The following SLCO1C1 variants were observed in gnomAD, a reference collection of about 807,000 sequenced individuals.
The protein encoded by SLCO1C1 is OAT-RP-5.
Under a neutral mutation model 76.4 loss-of-function variants are expected in SLCO1C1, and 70 were observed. The ratio of observed to expected loss-of-function variants is 0.92; its 90% CI spans 0.76 to 1.12. The LOEUF (loss-of-function observed/expected upper bound fraction) is 1.12, where lower values mean the gene tolerates loss of function less well. SLCO1C1 is among the 50% of genes most tolerant of loss of function. SLCO1C1 has a pLI of 0.00. For missense variants in SLCO1C1, 912 were observed against 823.8 expected (o/e 1.11, Z -1.31); for synonymous variants, 306 against 286.1 (o/e 1.07, Z -0.70).
In SLCO1C1 at chr12:20,709,812, C is replaced by T. The variant is rs1366445377; in HGVS notation, c.405-1574C>T. ...AGGAGAATGGCGTGAACCCGGGAAGCGGAGCTTGCAGTGAGCCGAGATTGC... is the reference window on the plus strand; with the variant it reads ...AGGAGAATGGCGTGAACCCGGGAAGTGGAGCTTGCAGTGAGCCGAGATTGC... On this transcript the variant is annotated intron_variant, in intron 4 of 14. Transcript: ENST00000266509. Among the ~76,000 whole-genome samples, 7 of 47,628 alleles carry T rather than the reference C, an allele frequency of 1.5e-4. 1 individual carries two copies. Among genetic ancestry groups the T allele is most frequent in the Non-Finnish European group, 1.7e-4 (4 of 23,118 alleles). 31.2% of individuals were successfully genotyped at this position (47,628 alleles called of 152,430 possible). A position where few individuals can be genotyped will look rare whatever the true frequency, so the allele number is the denominator to read the frequency against.
chr12:20,697,431 C>T (rs1946320105), intron 1 of SLCO1C1: 1 of 151,888 alleles, frequency 6.6e-6, no homozygotes. Context: ...GTAAAGATAC[C>T]TATTTAACAT....
At chr12:20,749,298 AC>A (rs1949184322) in intron 13 of SLCO1C1, among the ~76,000 whole-genome samples, 1 of 152,198 alleles carries the variant, frequency 6.6e-6, no homozygotes, top group Admixed American at 6.5e-5. Flanking sequence ...GCCGGAAACA[AC>A]CAGACAGTTG....
chr12:20,751,041 C>T, intron 14 of SLCO1C1: 1 of 712,764 alleles, frequency 1.4e-6, no homozygotes, highest in Non-Finnish European at 2.2e-6. Flanking sequence ...ACAAAAGTGT[C>T]CAGAATACAG....
intron 10 of SLCO1C1, 55 bp downstream of exon 10, chr12:20,733,159 T>G (rs1948375070): frequency 6.9e-7 from 1 of 1,439,898 alleles, no homozygotes; most frequent in Admixed American, 2.6e-5. Flanking sequence ...TTAAATCAAT[T>G]ATTGGTGGAG....
chr12:20,700,519 T>A (rs1946471173), intron 2 of SLCO1C1, among the ~76,000 whole-genome samples: 3 of 151,982 alleles, frequency 2.0e-5, no homozygotes, highest in Admixed American at 1.3e-4. Context: ...TACATACGTA[T>A]ACATGTGCCA....
At chr12:20,720,196 A>C (rs1947587440) in intron 7 of SLCO1C1, among the ~76,000 whole-genome samples, 1 of 150,466 alleles carries the variant, frequency 6.6e-6, no homozygotes, top group South Asian at 2.1e-4. Flanking sequence ...GCTGCTCAGG[A>C]AAAAAAATAT....
At chr12:20,713,714 G>A (rs1947242605) in intron 5 of SLCO1C1, among the ~76,000 whole-genome samples, 1 of 152,178 alleles carries the variant, frequency 6.6e-6, no homozygotes, top group Admixed American at 6.5e-5. Flanking sequence ...TGTGATGATC[G>A]GAATGTCTTA....
intron 13 of SLCO1C1, among the ~76,000 whole-genome samples, chr12:20,747,187 G>T (rs1482420873): frequency 6.6e-6 from 1 of 152,184 alleles, no homozygotes; most frequent in Non-Finnish European, 1.5e-5. Flanking sequence ...CACTTTGGGA[G>T]GCTGAGGCGG....
chr12:20,751,096 T>C (rs1949283486), intron 14 of SLCO1C1, among the ~76,000 whole-genome samples: 2 of 152,142 alleles, frequency 1.3e-5, no homozygotes, highest in Admixed American at 1.3e-4. Flanking sequence ...AGTATTTCCC[T>C]GAAATTCAGA....
Position 20,711,471 on chromosome 12 carries a change from G to T in SLCO1C1, c.490G>T (p.Val164Phe), listed in dbSNP as rs764579831. 1 of 1,613,750 alleles carries T rather than the reference G, an allele frequency of 6.2e-7. No homozygotes were observed. The highest frequency in any genetic ancestry group is 1.1e-5 in the South Asian group (1 of 91,044). The change falls in exon 5 of 15, where the codon GTT becomes TTT. Residue 164 changes from valine to phenylalanine, a missense_variant. By Grantham distance (50) the Val-to-Phe change is conservative. Transcript: ENST00000266509. ...CCTAGAGTCAAGCAGTCAATTACCA[G>T]TTTCAGTTATGGAAAAATCAAAATC... ...CLLESSSQLP[V>F]SVMEKSKSKI...
chr12:20,698,560 A>G (rs940889891), intron 1 of SLCO1C1, among the ~76,000 whole-genome samples: 2 of 152,096 alleles, frequency 1.3e-5, no homozygotes, highest in Non-Finnish European at 2.9e-5. Context: ...CAAAACAAGC[A>G]TTGCATAAAG....
At chr12:20,698,652 CATT>C (rs1218729801) in intron 1 of SLCO1C1, among the ~76,000 whole-genome samples, 4 of 151,992 alleles carry the variant, frequency 2.6e-5, no homozygotes, top group Admixed American at 2.6e-4. Context: ...TTAGGAATAA[CATT>C]ATTCCACTCC....
intron 10 of SLCO1C1, among the ~76,000 whole-genome samples, chr12:20,733,540 C>G (rs1040380759): frequency 6.6e-6 from 1 of 152,206 alleles, no homozygotes; most frequent in African/African-American, 2.4e-5. Context: ...AAAGTGAATG[C>G]TACTTGCCTG....
chr12:20,701,553 C>G, intron 3 of SLCO1C1, 94 bp downstream of exon 3: 1 of 821,144 alleles, frequency 1.2e-6, no homozygotes, highest in Non-Finnish European at 1.7e-6. Flanking sequence ...CTGCTGGGAT[C>G]AGACTCTATT....
intron 11 of SLCO1C1, among the ~76,000 whole-genome samples, chr12:20,738,378 C>T (rs1948645176): frequency 6.6e-6 from 1 of 152,050 alleles, no homozygotes; most frequent in Non-Finnish European, 1.5e-5. Flanking sequence ...CTTTATTTGA[C>T]AATCCTAGAG....
At chr12:20,721,046 T>G (rs1317721288) in intron 7 of SLCO1C1, among the ~76,000 whole-genome samples, 2 of 151,452 alleles carry the variant, frequency 1.3e-5, no homozygotes, top group East Asian at 1.9e-4. Context: ...GGTTGCTTCT[T>G]GTGGATGAAC....
chr12:20,721,829 TC>T lies in SLCO1C1; in HGVS notation c.805del (p.Gln269SerfsTer3). ...ATCACATAACCATTACCCCAAAAGATCCCCAGTGGGTAGGAGCCTGGTGGCT... is the reference window on the plus strand; with the variant it reads ...ATCACATAACCATTACCCCAAAAGATCCCAGTGGGTAGGAGCCTGGTGGCT... Reference protein sequence around the residue: ...LDHITITPKDPQWVGAWWLGY... With the variant: ...LDHITITPKDXQWVGAWWLGY... On this transcript the variant is annotated frameshift_variant, in exon 8 of 15. Coordinates refer to ENST00000266509, the MANE Select transcript of SLCO1C1 (RefSeq NM_017435.5). LOFTEE classifies it high-confidence loss of function. 1 of 1,614,114 alleles carries T rather than the reference TC, an allele frequency of 6.2e-7. No individual in the cohort carries two copies. The highest frequency in any genetic ancestry group is 8.5e-7 in the Non-Finnish European group (1 of 1,180,022).
intron 9 of SLCO1C1, among the ~76,000 whole-genome samples, chr12:20,730,814 G>A (rs1256469281): frequency 1.3e-5 from 2 of 152,092 alleles, no homozygotes; most frequent in East Asian, 1.9e-4. Flanking sequence ...GAAATATTTT[G>A]CGGGGGTCTG....
rs12304500 is a variant in SLCO1C1, at chr12:20,740,175, G to T, written c.1549-9G>T. On this transcript the variant is annotated splice_polypyrimidine_tract_variant and intron_variant, in intron 11 of 14. Coordinates refer to ENST00000266509, the MANE Select transcript of SLCO1C1 (RefSeq NM_017435.5). ...TGAAATAATTGGACTTTTCCCTATC[G>T]TGTTACAGATATTTTACAACTGCAC... The T allele has an allele frequency of 2.9e-3, 4,681 of 1,598,082 alleles. 98 individuals carry two copies. The African/African-American group carries it at 0.048, about 16-fold the overall frequency.
Sources: allele counts gnomAD v4.1 joint callset (sites outside exome capture counted in the v4.1 genomes callset), GRCh38; gene constraint gnomAD v4.1.1; transcripts MANE v1.5; gene names NCBI Gene and HGNC (gene_info 2026-07-23, HGNC 2026-07-21).